SRD5A2: variants seen among roughly 807,000 people sequenced by gnomAD.
SRD5A2 encodes the protein steroid 5 alpha-reductase 2, also known as 3-oxo-5-alpha-steroid 4-dehydrogenase 2.
A neutral mutation model predicts 27.4 loss-of-function variants in SRD5A2; 30 were observed. That is an observed-to-expected ratio of 1.10 (90% CI 0.82 to 1.49). The LOEUF is 1.49. Among genes scored for constraint, SRD5A2 ranks in the 40% most tolerant of loss-of-function variants. SRD5A2 has a pLI of 0.00. For synonymous variants in SRD5A2, 141 were observed against 133.6 expected (o/e 1.06, Z -0.38); for missense variants, 348 against 323.4 (o/e 1.08, Z -0.58).
At chr2:31,608,107 A>T in the SRD5A2 span, among the ~76,000 whole-genome samples, 1 of 152,200 alleles carries the variant, frequency 6.6e-6, no homozygotes, top group Admixed American at 6.6e-5. Flanking sequence ...ATAGTATTCC[A>T]TTATAGCAGC....
intron 1 of SRD5A2, among the ~76,000 whole-genome samples, chr2:31,572,698 T>G (rs1666876339): frequency 6.6e-6 from 1 of 152,090 alleles, no homozygotes; most frequent in South Asian, 2.1e-4. Flanking sequence ...GAGTTAAGTT[T>G]TAAAAGATAG....
intron 1 of SRD5A2, among the ~76,000 whole-genome samples, chr2:31,544,989 A>C (rs11904357): frequency 0.17 from 25,943 of 151,834 alleles, 2,965 homozygotes; most frequent in African/African-American, 0.33. Context: ...AAACCTACCA[A>C]GACTAAATCA....
At chr2:31,609,196 G>A in the SRD5A2 span, among the ~76,000 whole-genome samples, 1 of 152,040 alleles carries the variant, frequency 6.6e-6, no homozygotes, top group Non-Finnish European at 1.5e-5. Flanking sequence ...GGTTACAGCA[G>A]CCTGAGCAAA....
chr2:31,612,827 C>A, the SRD5A2 span, among the ~76,000 whole-genome samples: 2 of 152,020 alleles, frequency 1.3e-5, no homozygotes, highest in Admixed American at 1.3e-4. Flanking sequence ...GGCATTTTGA[C>A]CGAGGGAACA....
rs61750388 is a variant in SRD5A2 at position 31,580,691 on chromosome 2, C to T, written c.210G>A (p.Arg70=). The T allele has an allele frequency of 1.6e-4, 250 of 1,600,524 alleles. No homozygotes were observed. In the African/African-American group the frequency reaches 2.1e-3, roughly 13 times the overall value. ...SFAVPAGILA[R]QPLSLFGPPG... ...GTGGCCCGAAGAGGGAGAGGGGCTG[C>T]CGGGCGAGGATCCCCGCGGGCACCG... Residue 70 remains arginine, a synonymous_variant, in exon 1 of 5, where the codon CGG becomes CGA. Transcript: ENST00000622030.
the SRD5A2 span, among the ~76,000 whole-genome samples, chr2:31,645,997 A>G: frequency 1.2e-4 from 19 of 152,006 alleles, no homozygotes; most frequent in Non-Finnish European, 2.4e-4. Flanking sequence ...GTTTCCTTCC[A>G]CTACACTGAA....
At chr2:31,561,847 A>T (rs1666630960) in intron 1 of SRD5A2, among the ~76,000 whole-genome samples, 1 of 152,176 alleles carries the variant, frequency 6.6e-6, no homozygotes, top group Admixed American at 6.5e-5. Context: ...AATCAGATCA[A>T]CTTCATGGCC....
the SRD5A2 span, among the ~76,000 whole-genome samples, chr2:31,658,176 A>G: frequency 6.6e-6 from 1 of 152,176 alleles, no homozygotes; most frequent in South Asian, 2.1e-4. Flanking sequence ...CTTTGAAGCA[A>G]ATGAAAACAA....
Position 31,523,631 on chromosome 2 carries a change from C to T in SRD5A2, c.*2565G>A, listed in dbSNP as rs140504392. 9.1e-6 allele frequency: 2 copies of T among 219,604 alleles called. No homozygotes were observed. Among genetic ancestry groups the T allele is most frequent in the African/African-American group, 2.2e-5 (1 of 44,684 alleles). The allele number at this position is 219,604 out of a possible 1,614,324, so 13.6% of individuals were successfully genotyped here. A position where few individuals can be genotyped will look rare whatever the true frequency, so the allele number is the denominator to read the frequency against. The stretch of plus-strand genomic sequence containing the variant: ...AAGGTTGGCAGGAAAACGCCTCTTC[C>T]GTGAAAGCTTCAGCAAGACCAAGAT... On this transcript the variant is annotated 3_prime_UTR_variant, in exon 5 of 5. Transcript: ENST00000622030.
chr2:31,588,477 T>G, the SRD5A2 span, among the ~76,000 whole-genome samples: 59 of 152,274 alleles, frequency 3.9e-4, no homozygotes, highest in Non-Finnish European at 6.9e-4. Flanking sequence ...CTTGATATAT[T>G]TAAAATGCTG....
At chr2:31,546,024 A>C (rs1666245837) in intron 1 of SRD5A2, among the ~76,000 whole-genome samples, 1 of 152,196 alleles carries the variant, frequency 6.6e-6, no homozygotes, top group Admixed American at 6.5e-5. Flanking sequence ...TTGTACAGTA[A>C]AAAATTATAA....
the SRD5A2 span, among the ~76,000 whole-genome samples, chr2:31,611,263 T>C: frequency 6.6e-5 from 10 of 152,080 alleles, no homozygotes; most frequent in Non-Finnish European, 1.5e-4. Context: ...CTACCAAAAT[T>C]ATAGATTCAT....
At chr2:31,568,493 G>A (rs1215778121) in intron 1 of SRD5A2, among the ~76,000 whole-genome samples, 1 of 152,158 alleles carries the variant, frequency 6.6e-6, no homozygotes, top group East Asian at 1.9e-4. Context: ...GTCTGGATGA[G>A]TCCAGAGTTT....
intron 1 of SRD5A2, 109 bp from the exon 2 acceptor site, chr2:31,533,875 C>A (rs1665970097): frequency 7.9e-7 from 1 of 1,264,054 alleles, no homozygotes; most frequent in Non-Finnish European, 1.1e-6. Context: ...CCAGGCTCTG[C>A]CATTTCGCCT....
At chr2:31,650,186 C>T in the SRD5A2 span, among the ~76,000 whole-genome samples, 4 of 152,054 alleles carry the variant, frequency 2.6e-5, no homozygotes, top group Non-Finnish European at 4.4e-5. Context: ...CAGACATAGA[C>T]CTCCCACAAC....
the SRD5A2 span, among the ~76,000 whole-genome samples, chr2:31,617,434 T>TCC: frequency 6.6e-6 from 1 of 152,176 alleles, no homozygotes; most frequent in East Asian, 1.9e-4. Flanking sequence ...GGAGACATTT[T>TCC]CCCCATTGTC....
At chr2:31,652,575 G>A in the SRD5A2 span, among the ~76,000 whole-genome samples, 7 of 152,204 alleles carry the variant, frequency 4.6e-5, no homozygotes, top group East Asian at 1.9e-4. Flanking sequence ...GAATACATCC[G>A]AGGCCTTAGA....
At chr2:31,616,327 A>T in the SRD5A2 span, among the ~76,000 whole-genome samples, 2 of 152,280 alleles carry the variant, frequency 1.3e-5, no homozygotes, top group South Asian at 4.1e-4. Flanking sequence ...CATCCTCCAG[A>T]TCCCAAATGG....
At chr2:31,590,001 G>A in the SRD5A2 span, among the ~76,000 whole-genome samples, 4 of 151,972 alleles carry the variant, frequency 2.6e-5, no homozygotes, top group South Asian at 2.1e-4. Flanking sequence ...GTTTTCCCCC[G>A]CTTCCCTGGT....
Sources: gnomAD v4.1 joint callset for allele counts (sites outside exome capture counted in the v4.1 genomes callset) on GRCh38, gnomAD v4.1.1 for gene constraint, MANE v1.5 for transcripts, NCBI Gene and HGNC (gene_info 2026-07-23, HGNC 2026-07-21) for gene names.